The following SOCS7 variants were observed in gnomAD, a reference collection of about 807,000 sequenced individuals.
The protein encoded by SOCS7 is suppressor of cytokine signaling 7.
A neutral mutation model predicts 58.9 loss-of-function variants in SOCS7; 18 were observed. The ratio of observed to expected loss-of-function variants is 0.31; its 90% confidence interval spans 0.21 to 0.45. SOCS7 has a LOEUF of 0.45. SOCS7 is among the 20% of genes least tolerant of loss of function. SOCS7 has a pLI of 1.00. For synonymous variants in SOCS7, 388 were observed against 364.3 expected (o/e 1.06, Z -0.74); for missense variants, 667 against 837.3 (o/e 0.80, Z 2.51).
intron 7 of SOCS7, 70 bp downstream of exon 7, chr17:38,377,912 A>G: frequency 4.7e-6 from 7 of 1,483,128 alleles, no homozygotes; most frequent in Non-Finnish European, 6.4e-6. Flanking sequence ...AAAAAACACC[A>G]TCCCCACAAA....
intron 7 of SOCS7, among the ~76,000 whole-genome samples, chr17:38,378,630 G>A (rs2037961884): frequency 6.6e-6 from 1 of 152,182 alleles, no homozygotes. Flanking sequence ...TAAATACTTT[G>A]TTTTGTATCT....
At chr17:38,382,558 T>C (rs980308243) in intron 7 of SOCS7, among the ~76,000 whole-genome samples, 3 of 151,902 alleles carry the variant, frequency 2.0e-5, no homozygotes, top group Non-Finnish European at 4.4e-5. Flanking sequence ...CGATCTCGGC[T>C]CACTGCAACC....
In SOCS7 at chr17:38,401,865, C is replaced by T. The variant is rs978395573; in HGVS notation, c.*2383C>T. ...TTTCTAGATGGAAGCTTCCCAGCCA[C>T]CAGGCAGACCTGAGTGCCAAGGGGT... is the stretch of plus-strand genomic sequence containing the variant. On this transcript the variant is annotated 3_prime_UTR_variant, in exon 10 of 10. Coordinates refer to ENST00000612932, the MANE Select transcript of SOCS7 (RefSeq NM_014598.4). The T allele has an allele frequency of 1.1e-4, 16 of 152,370 alleles. No individual in the cohort carries two copies. Among genetic ancestry groups the T allele is most frequent in the South Asian group, 2.1e-4 (1 of 4,836 alleles). 9.4% of individuals were successfully genotyped at this position (152,370 alleles called of 1,614,324 possible).
chr17:38,401,629 A>C lies in SOCS7; in HGVS notation c.*2147A>C, dbSNP rs1413051153. The C allele has an allele frequency of 6.6e-6, 1 of 152,190 alleles. No individual in the cohort carries two copies. The highest frequency in any genetic ancestry group is 1.5e-5 in the Non-Finnish European group (1 of 68,044). The allele number at this position is 152,190 out of a possible 1,614,324, so 9.4% of individuals were successfully genotyped here. On this transcript the variant is annotated 3_prime_UTR_variant, in exon 10 of 10. Coordinates refer to ENST00000612932, the MANE Select transcript of SOCS7 (RefSeq NM_014598.4). Reference sequence around the variant, plus strand: ...CAAGCAGAAAATCAAGGACTATCTAAAGACGTTTATAGTAGATAAGATCAG... The same window carrying C: ...CAAGCAGAAAATCAAGGACTATCTACAGACGTTTATAGTAGATAAGATCAG...
intron 6 of SOCS7, among the ~76,000 whole-genome samples, chr17:38,374,645 A>G (rs1028270066): frequency 2.6e-5 from 4 of 152,232 alleles, no homozygotes; most frequent in Non-Finnish European, 5.9e-5. Flanking sequence ...TATGGCAAAA[A>G]AAGAAGGTGA....
intron 7 of SOCS7, among the ~76,000 whole-genome samples, chr17:38,378,828 T>C (rs1449893995): frequency 1.3e-5 from 2 of 151,972 alleles, no homozygotes; most frequent in East Asian, 3.9e-4. Context: ...TAAGACAAAA[T>C]GACACGGACA....
chr17:38,386,983 A>G (rs940078725), intron 7 of SOCS7, among the ~76,000 whole-genome samples: 148,015 of 148,030 alleles, frequency 1, 74,000 homozygotes, highest in Middle Eastern at 1. Context: ...CTACTCGGGC[A>G]GCTGAGGCAG....
At chr17:38,361,945 T>C (rs2037725981) in intron 2 of SOCS7, among the ~76,000 whole-genome samples, 170 bp downstream of exon 2, 1 of 152,222 alleles carries the variant, frequency 6.6e-6, no homozygotes, top group Admixed American at 6.5e-5. Context: ...GTATGGAATG[T>C]GTTCTTGACT....
intron 7 of SOCS7, among the ~76,000 whole-genome samples, chr17:38,378,846 G>A (rs1247446348): frequency 2.0e-5 from 3 of 152,108 alleles, no homozygotes; most frequent in African/African-American, 7.2e-5. Context: ...ACATTAATAT[G>A]AGGAACTTGT....
Position 38,399,496 on chromosome 17 carries a change from T to C in SOCS7, c.*31-17T>C, listed in dbSNP as rs900199026. Reference sequence around the variant, plus strand: ...ATTCTGTTGAACTGTTTTAATTTTTTTTCCTTTTCTACCTAGGCATTTGGT... The same window carrying C: ...ATTCTGTTGAACTGTTTTAATTTTTCTTCCTTTTCTACCTAGGCATTTGGT... On this transcript the variant is annotated splice_polypyrimidine_tract_variant and intron_variant, in intron 9 of 9. Transcript: ENST00000612932. 4 of 152,628 alleles carry C rather than the reference T, an allele frequency of 2.6e-5. No individual in the cohort carries two copies. The allele number at this position is 152,628 out of a possible 1,614,324, so 9.5% of individuals were successfully genotyped here. A position where few individuals can be genotyped will look rare whatever the true frequency, so the allele number is the denominator to read the frequency against.
chr17:38,405,363 G>A lies in SOCS7; in HGVS notation c.*5881G>A, dbSNP rs977980983. On this transcript the variant is annotated 3_prime_UTR_variant, in exon 10 of 10. Transcript: ENST00000612932. ...CCCTGTAGATTAGTTCCAGAATGGG[G>A]TGTCTGTATATACTGTATTAATAGG... 6.6e-6 allele frequency: 1 copy of A among 152,082 alleles called. No homozygotes were observed. The highest frequency in any genetic ancestry group is 1.5e-5 in the Non-Finnish European group (1 of 68,018). The allele number at this position is 152,082 out of a possible 1,614,324, so 9.4% of individuals were successfully genotyped here. A position where few individuals can be genotyped will look rare whatever the true frequency, so the allele number is the denominator to read the frequency against.
chr17:38,353,013 C>A lies in SOCS7; in HGVS notation c.961C>A (p.Arg321=), dbSNP rs1339162941. 1.9e-6 allele frequency: 3 copies of A among 1,591,806 alleles called. No homozygotes were observed. Among genetic ancestry groups the A allele is most frequent in the Non-Finnish European group, 2.6e-6 (3 of 1,169,714 alleles). The change falls in exon 1 of 10, where the codon CGG becomes AGG. Residue 321 remains arginine, a synonymous_variant. Coordinates refer to ENST00000612932, the MANE Select transcript of SOCS7 (RefSeq NM_014598.4). ...GACAGACATGGGAGGCTCTGCGGGC[C>A]GGGAGCTGGACGCGGGGAGGTGAGA... ...SLTDMGGSAG[R]ELDAGRKPKL... is the part of the protein sequence containing the mutation.
intron 7 of SOCS7, among the ~76,000 whole-genome samples, chr17:38,379,132 T>G (rs1347915340): frequency 2.2e-5 from 3 of 135,828 alleles, no homozygotes; most frequent in Non-Finnish European, 4.6e-5. Flanking sequence ...CACTCCAGCC[T>G]GGGTGACACA....
At position 38,376,259 on chromosome 17, in the gene SOCS7, C is replaced by T. The variant is rs370588439; in HGVS notation, c.1553-1455C>T. ...AACCCTGGACAGAACACCATTCCAT[C>T]GGGGTGCATATACCCACACACCCAC... On this transcript the variant is annotated intron_variant, in intron 6 of 9. Coordinates refer to ENST00000612932, the MANE Select transcript of SOCS7 (RefSeq NM_014598.4). 3.4e-4 allele frequency among the ~76,000 whole-genome samples: 51 copies of T among 152,200 alleles called. No homozygotes were observed. The Middle Eastern group carries it at 0.01, about 30-fold the overall frequency.
chr17:38,373,508 G>C (rs1381097873), intron 6 of SOCS7, among the ~76,000 whole-genome samples: 1 of 152,224 alleles, frequency 6.6e-6, no homozygotes, highest in East Asian at 1.9e-4. Flanking sequence ...CTGACTCTCT[G>C]GTTTTGTGCA....
chr17:38,353,009 G>C lies in SOCS7; in HGVS notation c.957G>C (p.Ala319=), dbSNP rs752003357. Residue 319 remains alanine, a synonymous_variant, in exon 1 of 10, where the codon GCG becomes GCC. Coordinates refer to ENST00000612932, the MANE Select transcript of SOCS7 (RefSeq NM_014598.4). The part of the protein sequence containing the change: ...AASLTDMGGS[A]GRELDAGRKP... ...GCCTGACAGACATGGGAGGCTCTGC[G>C]GGCCGGGAGCTGGACGCGGGGAGGT... 3.1e-6 allele frequency: 5 copies of C among 1,595,108 alleles called. No individual in the cohort carries two copies.
At chr17:38,361,042 TCCCTG>T (rs1555567489) in intron 1 of SOCS7, among the ~76,000 whole-genome samples, 1 of 152,250 alleles carries the variant, frequency 6.6e-6, no homozygotes, top group Non-Finnish European at 1.5e-5. Flanking sequence ...TCAGACTGGT[TCCCTG>T]AAACAGCATC....
rs1221699072 is a variant in SOCS7 at position 38,403,157 on chromosome 17, G to T, written c.*3675G>T. The T allele has an allele frequency of 1.3e-5, 2 of 152,074 alleles. No homozygotes were observed. The highest frequency in any genetic ancestry group is 2.1e-4 in the South Asian group (1 of 4,836). The allele number at this position is 152,074 out of a possible 1,614,324, so 9.4% of individuals were successfully genotyped here. A position where few individuals can be genotyped will look rare whatever the true frequency, so the allele number is the denominator to read the frequency against. On this transcript the variant is annotated 3_prime_UTR_variant, in exon 10 of 10. Coordinates refer to ENST00000612932, the MANE Select transcript of SOCS7 (RefSeq NM_014598.4). ...TGGCGCCACCTCCCTGAGGAGAAAG[G>T]TGTGGCCAAAGGAAACTCCTGCATG...
At position 38,352,834 on chromosome 17, in the gene SOCS7, C is replaced by A. The variant is rs1468901362; in HGVS notation, c.782C>A (p.Pro261His). ...QPPPPPPPPG[P>H]LRPLAGPSRK... ...CCCCCGCCCCCGCCTCCTCCCGGGC[C>A]CCTCCGGCCACTCGCGGGTCCTTCT... is the stretch of plus-strand genomic sequence containing the variant. Residue 261 changes from proline to histidine, a missense_variant, in exon 1 of 10, where the codon CCC becomes CAC. Physicochemically the swap from Pro to His is moderately conservative, Grantham distance 77 (BLOSUM62 -2). Coordinates refer to ENST00000612932, the MANE Select transcript of SOCS7 (RefSeq NM_014598.4). This position sits in a 1 kb window ranked among gnomAD's most constrained non-coding sequence, Gnocchi z 5.5. 1.3e-6 allele frequency: 2 copies of A among 1,569,458 alleles called. No homozygotes were observed. Among genetic ancestry groups the A allele is most frequent in the Admixed American group, 1.8e-5 (1 of 54,480 alleles).
Sources: gnomAD v4.1 joint callset for allele counts (sites outside exome capture counted in the v4.1 genomes callset) on GRCh38, gnomAD v4.1.1 for gene constraint, Gnocchi (gnomAD v3.1) non-coding constraint, MANE v1.5 for transcripts, NCBI Gene and HGNC (gene_info 2026-07-23, HGNC 2026-07-21) for gene names.